Variants in CPVL observed in about 807,000 individuals in gnomAD.
CPVL encodes carboxypeptidase vitellogenic like, also known as probable serine carboxypeptidase CPVL.
CPVL carries 51 observed loss-of-function variants against 63.7 expected under a neutral mutation model. That is an observed-to-expected ratio of 0.80 (90% confidence interval 0.64 to 1.01). CPVL has a LOEUF of 1.01. Ranked by LOEUF, CPVL falls within the 50% of genes least tolerant of loss-of-function variation. CPVL has a pLI of 0.00. For missense variants in CPVL, 530 were observed against 573.1 expected (o/e 0.92, Z 0.77); for synonymous variants, 195 against 206.0 (o/e 0.95, Z 0.46).
At position 29,096,177 on chromosome 7, in the gene CPVL, C is replaced by T; in HGVS notation, c.329G>A (p.Gly110Asp). ...AAACATGGATGAACCTCCCGGCCCACCCTGTAGCCAGAGAACTACTGGGGC... is the reference window on the plus strand; with the variant it reads ...AAACATGGATGAACCTCCCGGCCCATCCTGTAGCCAGAGAACTACTGGGGC... ...EDAPVVLWLQ[G>D]GPGGSSMFGL... The change falls in exon 4 of 13, where the codon GGT (glycine) becomes GAT (aspartate). Residue 110 changes from glycine to aspartate, a missense_variant. Transcript: ENST00000265394. The T allele has an allele frequency of 6.8e-6, 11 of 1,614,196 alleles. No homozygotes were observed. The highest frequency in any genetic ancestry group is 8.5e-6 in the Non-Finnish European group (10 of 1,180,016).
intron 12 of CPVL, among the ~76,000 whole-genome samples, chr7:29,024,708 AC>A (rs1787323555): frequency 6.6e-6 from 1 of 152,234 alleles, no homozygotes; most frequent in Non-Finnish European, 1.5e-5. Context: ...TGCTGAAAGA[AC>A]AAAACTGACA....
At chr7:29,114,879 C>T (rs145678951) in intron 2 of CPVL, among the ~76,000 whole-genome samples, 1,735 of 152,242 alleles carry the variant, frequency 0.011, 32 homozygotes, top group African/African-American at 0.039. Context: ...ACTACTGTTG[C>T]TGTCTGTGAA....
At chr7:29,078,309 G>A (rs115702252) in intron 7 of CPVL, among the ~76,000 whole-genome samples, 1,744 of 152,202 alleles carry the variant, frequency 0.011, 26 homozygotes, top group African/African-American at 0.04. Flanking sequence ...TTTCTATTGA[G>A]AAGATACTCC....
exon 1 of CPVL, chr7:29,195,264 A>C: frequency 5.0e-6 from 2 of 398,384 alleles, no homozygotes; most frequent in Non-Finnish European, 8.9e-6. Context: ...AGCGAGCGAA[A>C]AGCGAAAGGA....
At chr7:29,122,993 T>C (rs968979178) in intron 1 of CPVL, among the ~76,000 whole-genome samples, 5 of 152,176 alleles carry the variant, frequency 3.3e-5, no homozygotes, top group African/African-American at 1.2e-4. Flanking sequence ...ATGATCTATG[T>C]TCTTAGCTGT....
At chr7:29,173,045 C>G (rs1022222122) in intron 5 of CPVL, among the ~76,000 whole-genome samples, 2 of 150,960 alleles carry the variant, frequency 1.3e-5, no homozygotes, top group South Asian at 2.1e-4. Context: ...GAAGGAGAAT[C>G]GCTTGAACCC....
At chr7:29,094,987 A>G in intron 5 of CPVL, 97 bp downstream of exon 5, 2 of 884,802 alleles carry the variant, frequency 2.3e-6, no homozygotes, top group Admixed American at 2.4e-5. Flanking sequence ...TCAAAAGGAA[A>G]AACGAAATCT....
chr7:29,189,534 C>T (rs971726233), intron 1 of CPVL, among the ~76,000 whole-genome samples: 6 of 152,144 alleles, frequency 3.9e-5, no homozygotes, highest in Non-Finnish European at 5.9e-5. Flanking sequence ...TCTCTTAGGA[C>T]ATTGAAGACA....
intron 5 of CPVL, among the ~76,000 whole-genome samples, chr7:29,179,556 A>G (rs1389997467): frequency 6.6e-6 from 1 of 152,232 alleles, no homozygotes; most frequent in African/African-American, 2.4e-5. Flanking sequence ...TCTTCTTCAT[A>G]AGCAAGAACA....
intron 11 of CPVL, among the ~76,000 whole-genome samples, chr7:29,046,604 C>T (rs1032513603): frequency 3.3e-5 from 5 of 151,772 alleles, no homozygotes; most frequent in Non-Finnish European, 5.9e-5. Flanking sequence ...TACTCATACA[C>T]GGTCTTTGAA....
At chr7:29,095,694 C>T (rs992808849) in intron 4 of CPVL, among the ~76,000 whole-genome samples, 3 of 152,060 alleles carry the variant, frequency 2.0e-5, no homozygotes, top group South Asian at 4.2e-4. Context: ...CCGGGAATAG[C>T]GTCTTGCTTC....
chr7:29,100,160 T>C (rs1786954969), intron 3 of CPVL, among the ~76,000 whole-genome samples: 1 of 152,156 alleles, frequency 6.6e-6, no homozygotes, highest in South Asian at 2.1e-4. Flanking sequence ...CCCCTGCTCT[T>C]CCCAGCCTCC....
chr7:29,086,620 T>C, intron 6 of CPVL, 70 bp from the exon 7 acceptor site: 2 of 1,134,740 alleles, frequency 1.8e-6, no homozygotes, highest in Non-Finnish European at 2.7e-6. Flanking sequence ...CATGCTAGGA[T>C]ATCAAATCTA....
chr7:29,091,165 C>G (rs1785734052), intron 6 of CPVL, among the ~76,000 whole-genome samples: 1 of 152,200 alleles, frequency 6.6e-6, no homozygotes, highest in African/African-American at 2.4e-5. Context: ...GAAATAGGTT[C>G]CCTTTACATG....
intron 6 of CPVL, among the ~76,000 whole-genome samples, chr7:29,091,402 T>C (rs1464216102): frequency 8.1e-6 from 1 of 123,744 alleles, no homozygotes; most frequent in South Asian, 2.6e-4. Context: ...CAAAGAGGGA[T>C]GGGAGGTGGG....
chr7:29,099,950 C>T (rs323202), intron 3 of CPVL, among the ~76,000 whole-genome samples: 80,415 of 151,872 alleles, frequency 0.53, 23,740 homozygotes, highest in African/African-American at 0.81. Flanking sequence ...TGAAATGATG[C>T]TGTAAACTCC....
intron 2 of CPVL, among the ~76,000 whole-genome samples, chr7:29,116,923 A>C (rs1788826448): frequency 6.6e-6 from 1 of 152,206 alleles, no homozygotes; most frequent in South Asian, 2.1e-4. Context: ...TGCAATAATA[A>C]GACTCACGTT....
At chr7:29,142,304 C>CT (rs1791973676) in intron 1 of CPVL, among the ~76,000 whole-genome samples, 1 of 152,068 alleles carries the variant, frequency 6.6e-6, no homozygotes, top group South Asian at 2.1e-4. Context: ...AGATCTTATC[C>CT]TTTTTTCTCT....
chr7:29,166,754 C>A (rs1795974322), intron 5 of CPVL, among the ~76,000 whole-genome samples: 1 of 151,850 alleles, frequency 6.6e-6, no homozygotes, highest in Admixed American at 6.6e-5. Context: ...CTATTTTTTT[C>A]TTGATGAATC....
Sources: allele counts gnomAD v4.1 joint callset (sites outside exome capture counted in the v4.1 genomes callset), GRCh38; gene constraint gnomAD v4.1.1; transcripts MANE v1.5; gene names NCBI Gene and HGNC (gene_info 2026-07-23, HGNC 2026-07-21).